HMBOX1: variants seen among roughly 807,000 people sequenced by gnomAD.
HMBOX1 encodes the protein homeobox containing 1.
Under a neutral mutation model 54.5 loss-of-function variants are expected in HMBOX1, and 14 were observed. The observed-to-expected ratio is 0.26, with a 90% CI of 0.17 to 0.40. The LOEUF (loss-of-function observed/expected upper bound fraction) is 0.40. HMBOX1 is among the 10% of genes least tolerant of loss of function. HMBOX1 has a pLI of 1.00. For synonymous variants in HMBOX1, 160 were observed against 181.0 expected (o/e 0.88, Z 0.93); for missense variants, 332 against 514.4 (o/e 0.65, Z 3.43).
At chr8:29,041,547 A>G (rs541191192) in intron 6 of HMBOX1, among the ~76,000 whole-genome samples, 2 of 152,354 alleles carry the variant, frequency 1.3e-5, no homozygotes, top group Admixed American at 6.5e-5. Context: ...AGTGATAACT[A>G]TAATACAAGA....
intron 1 of HMBOX1, among the ~76,000 whole-genome samples, chr8:28,955,169 G>A (rs1052494464): frequency 2.0e-5 from 3 of 151,960 alleles, no homozygotes; most frequent in African/African-American, 7.2e-5. Flanking sequence ...TTTGTTACAT[G>A]TATATATGTA....
chr8:28,957,599 C>T (rs901148657), intron 1 of HMBOX1, among the ~76,000 whole-genome samples: 2 of 151,802 alleles, frequency 1.3e-5, no homozygotes, highest in African/African-American at 4.8e-5. Flanking sequence ...TCTATTAGGT[C>T]CTATTTTTAT....
chr8:29,042,039 A>G (rs2133317664), intron 6 of HMBOX1, among the ~76,000 whole-genome samples: 1 of 152,332 alleles, frequency 6.6e-6, no homozygotes. Context: ...ACTGTATCCC[A>G]TCAAATCTAA....
At chr8:29,007,859 C>T (rs1833686646) in intron 4 of HMBOX1, among the ~76,000 whole-genome samples, 1 of 151,274 alleles carries the variant, frequency 6.6e-6, no homozygotes, top group South Asian at 2.1e-4. Flanking sequence ...GCTTCACAGT[C>T]TTTTTTTTTA....
intron 1 of HMBOX1, among the ~76,000 whole-genome samples, chr8:28,957,917 C>T (rs1013609579): frequency 2.0e-5 from 3 of 152,144 alleles, no homozygotes; most frequent in African/African-American, 4.8e-5. Flanking sequence ...CATGCCACCA[C>T]GCCCAGCCTA....
chr8:29,023,445 C>G (rs1324932632), intron 6 of HMBOX1, among the ~76,000 whole-genome samples: 1 of 152,176 alleles, frequency 6.6e-6, no homozygotes, highest in Non-Finnish European at 1.5e-5. Context: ...CTCTGTTGCC[C>G]AGGCTGGAGT....
intron 3 of HMBOX1, among the ~76,000 whole-genome samples, chr8:28,975,540 C>T (rs1828223760): frequency 6.6e-6 from 1 of 152,024 alleles, no homozygotes; most frequent in Non-Finnish European, 1.5e-5. Flanking sequence ...AGAATTTCAT[C>T]CTGGTGTGGA....
chr8:28,964,480 A>T (rs1372261737), intron 2 of HMBOX1, among the ~76,000 whole-genome samples: 1 of 152,188 alleles, frequency 6.6e-6, no homozygotes, highest in Admixed American at 6.5e-5. Context: ...GTTCATATTA[A>T]ATAGGCCTTT....
At chr8:28,925,465 A>G (rs1298422430) in intron 1 of HMBOX1, among the ~76,000 whole-genome samples, 1 of 152,148 alleles carries the variant, frequency 6.6e-6, no homozygotes, top group Non-Finnish European at 1.5e-5. Flanking sequence ...GGCAAACACT[A>G]TATTCATTAT....
intron 1 of HMBOX1, among the ~76,000 whole-genome samples, chr8:28,899,212 A>G (rs187481629): frequency 1.2e-3 from 176 of 152,336 alleles, no homozygotes; most frequent in Non-Finnish European, 1.6e-3. Flanking sequence ...TGAACGTACT[A>G]TCTCTACAGT....
chr8:28,926,393 G>A (rs762869165), intron 1 of HMBOX1, among the ~76,000 whole-genome samples: 2 of 151,564 alleles, frequency 1.3e-5, no homozygotes, highest in Non-Finnish European at 2.9e-5. Context: ...AAATATCTTT[G>A]TAATGTTCAA....
In HMBOX1 at chr8:29,004,856, G is replaced by A. The variant is rs569921591; in HGVS notation, c.587-4216G>A. On this transcript the variant is annotated intron_variant, in intron 4 of 9. Coordinates refer to ENST00000287701, the MANE Select transcript of HMBOX1 (RefSeq NM_001135726.3). ...AGAGGCTGCCAGGGCTTATGAGACC[G>A]TGTTCAGCTGAAGGACCAAAGCAGC... 1.6e-3 allele frequency among the ~76,000 whole-genome samples: 239 copies of A among 152,256 alleles called. 2 individuals are homozygous for A. The highest frequency in any genetic ancestry group is 5.5e-3 in the African/African-American group (230 of 41,556).
chr8:28,969,115 G>A (rs766441739), intron 2 of HMBOX1, among the ~76,000 whole-genome samples: 4 of 152,170 alleles, frequency 2.6e-5, no homozygotes, highest in Non-Finnish European at 5.9e-5. Flanking sequence ...GGAGGTTGCA[G>A]TGAGCCAAGA....
chr8:28,921,054 G>T (rs1248545642), intron 1 of HMBOX1, among the ~76,000 whole-genome samples: 1 of 152,126 alleles, frequency 6.6e-6, no homozygotes, highest in Admixed American at 6.5e-5. Context: ...CCTAAACCTG[G>T]CTAGGCACAG....
intron 1 of HMBOX1, among the ~76,000 whole-genome samples, chr8:28,906,762 TG>T (rs1814413081): frequency 6.6e-6 from 1 of 152,102 alleles, no homozygotes; most frequent in African/African-American, 2.4e-5. Context: ...GCTAATTTTT[TG>T]TATTTTTAGT....
chr8:28,993,306 A>G (rs1023692419), intron 4 of HMBOX1, among the ~76,000 whole-genome samples: 1 of 152,210 alleles, frequency 6.6e-6, no homozygotes, highest in Non-Finnish European at 1.5e-5. Flanking sequence ...TAAGATATAC[A>G]TACTCTTGTA....
intron 6 of HMBOX1, among the ~76,000 whole-genome samples, chr8:29,043,597 A>G (rs1805157432): frequency 6.6e-6 from 1 of 152,208 alleles, no homozygotes; most frequent in Non-Finnish European, 1.5e-5. Context: ...ATTTTGTGTA[A>G]ATGAACTCAT....
chr8:29,020,754 T>C (rs1188666032), intron 6 of HMBOX1, among the ~76,000 whole-genome samples: 1 of 152,218 alleles, frequency 6.6e-6, no homozygotes, highest in Non-Finnish European at 1.5e-5. Flanking sequence ...CTTTTTGTTA[T>C]CCAAAATGAC....
chr8:28,901,446 C>T (rs568112135), intron 1 of HMBOX1, among the ~76,000 whole-genome samples: 3 of 152,066 alleles, frequency 2.0e-5, no homozygotes, highest in Non-Finnish European at 4.4e-5. Context: ...GTACTTTTCT[C>T]CCTCCTCCTC....
Sources: gnomAD v4.1 joint callset for allele counts (sites outside exome capture counted in the v4.1 genomes callset) on GRCh38, gnomAD v4.1.1 for gene constraint, MANE v1.5 for transcripts, NCBI Gene and HGNC (gene_info 2026-07-23, HGNC 2026-07-21) for gene names.